The following MYOM2 variants were observed in gnomAD, a reference collection of about 807,000 sequenced individuals.
The protein encoded by MYOM2 is myomesin-2.
MYOM2 carries 254 observed loss-of-function variants against 187.6 expected under a neutral mutation model. The observed-to-expected ratio is 1.35, with a 90% CI of 1.22 to 1.50. MYOM2 has a LOEUF of 1.50. Ranked by LOEUF, MYOM2 falls within the 40% of genes most tolerant of loss-of-function variation. MYOM2 has a pLI of 0.00. For missense variants in MYOM2, 2,796 were observed against 1,924.0 expected, an observed-to-expected ratio of 1.45 and a Z score of -8.48; for synonymous variants, 981 against 753.8, an observed-to-expected ratio of 1.30 and a Z score of -4.94.
At chr8:2,072,598 G>A in intron 9 of MYOM2, 89 bp downstream of exon 9, 10 of 1,449,364 alleles carry the variant, frequency 6.9e-6, no homozygotes, top group South Asian at 5.4e-5. Flanking sequence ...TGTGGCTTTT[G>A]TCTCTACCAC....
At chr8:2,094,631 G>T (rs1414646753) in intron 17 of MYOM2, among the ~76,000 whole-genome samples, 3 of 152,302 alleles carry the variant, frequency 2.0e-5, no homozygotes, top group South Asian at 4.2e-4. Context: ...AGCCTGGGGG[G>T]ACAGAGCAAG....
At chr8:2,143,568 C>G (rs1277794842) in intron 36 of MYOM2, 112 bp downstream of exon 36, 2 of 1,344,942 alleles carry the variant, frequency 1.5e-6, no homozygotes, top group East Asian at 4.8e-5. Context: ...TGTGTCCTCA[C>G]TCAGCCTGCA....
In MYOM2 at chr8:2,130,377, T is replaced by C. The variant is rs919355757; in HGVS notation, c.3800+1145T>C. 4.5e-4 allele frequency among the ~76,000 whole-genome samples: 53 copies of C among 118,394 alleles called. 1 individual carries two copies. The highest frequency in any genetic ancestry group is 4.1e-3 in the Middle Eastern group (1 of 242). The allele number at this position is 118,394 out of a possible 152,430, so 77.7% of individuals were successfully genotyped here. On this transcript the variant is annotated intron_variant, in intron 32 of 36. Coordinates refer to ENST00000262113, the MANE Select transcript of MYOM2 (RefSeq NM_003970.4). The stretch of plus-strand genomic sequence containing the variant: ...CTTTAGTTAACGCCCCTCACTACGC[T>C]ATACCCAGGGTGCCCACACCCCGCC...
intron 25 of MYOM2, among the ~76,000 whole-genome samples, chr8:2,113,162 A>T (rs904971872): frequency 6.6e-6 from 1 of 152,172 alleles, no homozygotes; most frequent in Non-Finnish European, 1.5e-5. Flanking sequence ...CACTCCCGTG[A>T]TTCTACGGTG....
At chr8:2,129,281 C>A in intron 32 of MYOM2, 49 bp downstream of exon 32, 1 of 1,303,566 alleles carries the variant, frequency 7.7e-7, no homozygotes. Context: ...TGGGGCTGTC[C>A]AGGGCGCACA....
At chr8:2,115,059 TA>T (rs1563065492) in intron 25 of MYOM2, among the ~76,000 whole-genome samples, 2 of 151,802 alleles carry the variant, frequency 1.3e-5, no homozygotes, top group African/African-American at 2.4e-5. Context: ...TAGAGTTATT[TA>T]AGTGAAAAAG....
intron 24 of MYOM2, 128 bp downstream of exon 24, chr8:2,108,958 C>A: frequency 2.2e-6 from 2 of 909,760 alleles, no homozygotes; most frequent in Non-Finnish European, 3.5e-6. Flanking sequence ...TCCCAGCTTA[C>A]AGGATTGAAA....
intron 3 of MYOM2, among the ~76,000 whole-genome samples, chr8:2,053,865 C>T (rs1233655520): frequency 2.0e-5 from 3 of 152,226 alleles, no homozygotes; most frequent in Non-Finnish European, 4.4e-5. Flanking sequence ...ATTCTCCTAA[C>T]CCATGTGCAT....
intron 19 of MYOM2, among the ~76,000 whole-genome samples, chr8:2,100,668 G>A (rs1390070733): frequency 1.3e-5 from 2 of 151,426 alleles, no homozygotes; most frequent in South Asian, 4.2e-4. Flanking sequence ...CGTAGGCTGG[G>A]CCCTCCTCCC....
Position 2,109,453 on chromosome 8 carries a change from C to T in MYOM2, c.3102C>T (p.Phe1034=). Residue 1034 remains phenylalanine, a synonymous_variant, in exon 25 of 37, where the codon TTC becomes TTT. Transcript: ENST00000262113. ...YEIFDKGRVR[F]WLQAEHLSPD... Reference sequence around the variant, plus strand: ...TTTTTGATAAGGGGCGGGTTCGCTTCTGGCTCCAGGCTGAGCACTTATCAC... The same window carrying T: ...TTTTTGATAAGGGGCGGGTTCGCTTTTGGCTCCAGGCTGAGCACTTATCAC... The T allele has an allele frequency of 6.2e-7, 1 of 1,613,368 alleles. No homozygotes were observed. Among genetic ancestry groups the T allele is most frequent in the Non-Finnish European group, 8.5e-7 (1 of 1,179,664 alleles).
chr8:2,060,935 G>T (rs1193949557), intron 6 of MYOM2, among the ~76,000 whole-genome samples: 2 of 152,090 alleles, frequency 1.3e-5, no homozygotes, highest in Non-Finnish European at 2.9e-5. Flanking sequence ...AGTAGGGTAG[G>T]GCGGATGGGA....
At position 2,057,434 on chromosome 8, in the gene MYOM2, T is replaced by A. The variant is rs761446787; in HGVS notation, c.350T>A (p.Leu117Gln). ...GCCCACTTGGAGGAGGATGTCCACC[T>A]GGCACGCTCCCAGGCCCGCGACAAG... Reference protein sequence around the residue: ...ELAHLEEDVHLARSQARDKLD... With the variant: ...ELAHLEEDVHQARSQARDKLD... Residue 117 changes from leucine (L) to glutamine (Q), a missense_variant, in exon 4 of 37, where the codon CTG (leucine) becomes CAG (glutamine). By Grantham distance (113) the Leu-to-Gln change is moderately radical. Transcript: ENST00000262113. The A allele has an allele frequency of 6.2e-7, 1 of 1,614,010 alleles. No homozygotes were observed. Among genetic ancestry groups the A allele is most frequent in the Non-Finnish European group, 8.5e-7 (1 of 1,179,994 alleles).
chr8:2,079,667 A>G, intron 13 of MYOM2, 54 bp downstream of exon 13: 1 of 1,571,260 alleles, frequency 6.4e-7, no homozygotes, highest in Non-Finnish European at 8.8e-7. Context: ...TTGGAGTTGT[A>G]ATTAGAGATG....
At chr8:2,134,344 G>C (rs1336637446) in intron 32 of MYOM2, among the ~76,000 whole-genome samples, 3 of 152,182 alleles carry the variant, frequency 2.0e-5, no homozygotes, top group African/African-American at 7.2e-5. Context: ...TGTTTCCCAT[G>C]ATTGGGTTGG....
intron 23 of MYOM2, among the ~76,000 whole-genome samples, chr8:2,107,156 T>A (rs1215202006): frequency 1.3e-5 from 2 of 152,126 alleles, no homozygotes; most frequent in Admixed American, 1.3e-4. Flanking sequence ...AGGCACACAG[T>A]CTCATGCAGG....
chr8:2,090,477 C>G (rs1285309662), intron 15 of MYOM2, among the ~76,000 whole-genome samples: 1 of 152,112 alleles, frequency 6.6e-6, no homozygotes, highest in African/African-American at 2.4e-5. Flanking sequence ...TTTAAAAAAA[C>G]TTTTATTTTA....
intron 32 of MYOM2, among the ~76,000 whole-genome samples, chr8:2,131,791 C>T (rs964228276): frequency 6.6e-6 from 1 of 151,806 alleles, no homozygotes; most frequent in Non-Finnish European, 1.5e-5. Context: ...CTACAGGCGC[C>T]CACCACCACG....
chr8:2,093,888 C>T (rs769571996), intron 16 of MYOM2, 82 bp from the exon 17 acceptor site: 26 of 1,542,712 alleles, frequency 1.7e-5, no homozygotes, highest in South Asian at 9.6e-5. Context: ...TTTTATGGCG[C>T]GTTCAGGGTG....
chr8:2,096,211 G>T, intron 17 of MYOM2, 36 bp from the exon 18 acceptor site: 1 of 1,592,524 alleles, frequency 6.3e-7, no homozygotes, highest in Non-Finnish European at 8.6e-7. Context: ...CCCCAGCTGA[G>T]GCCCTCGGTA....
Sources: gnomAD v4.1 joint callset for allele counts (sites outside exome capture counted in the v4.1 genomes callset) on GRCh38, gnomAD v4.1.1 for gene constraint, MANE v1.5 for transcripts, NCBI Gene and HGNC (gene_info 2026-07-23, HGNC 2026-07-21) for gene names.